The following TCF12 variants were observed in gnomAD, a reference collection of about 807,000 sequenced individuals.
TCF12 encodes DNA-binding protein HTF4.
A neutral mutation model predicts 86.0 loss-of-function variants in TCF12; 45 were observed. The ratio of observed to expected loss-of-function variants is 0.52; its 90% CI spans 0.41 to 0.67. The LOEUF (loss-of-function observed/expected upper bound fraction) is 0.67. Among genes scored for constraint, TCF12 ranks in the 30% least tolerant of loss-of-function variants. TCF12 has a pLI of 0.00. For missense variants in TCF12, 881 were observed against 859.9 expected, an observed-to-expected ratio of 1.02 and a Z score of -0.31; for synonymous variants, 330 against 299.6, an observed-to-expected ratio of 1.10 and a Z score of -1.05.
intron 3 of TCF12, among the ~76,000 whole-genome samples, chr15:56,989,534 GT>G (rs2063343777): frequency 6.6e-6 from 1 of 152,142 alleles, no homozygotes; most frequent in Non-Finnish European, 1.5e-5. Context: ...CTTATATTGT[GT>G]TTATATTTTA....
At chr15:57,056,829 G>A (rs190088165) in intron 3 of TCF12, among the ~76,000 whole-genome samples, 4 of 146,926 alleles carry the variant, frequency 2.7e-5, no homozygotes, top group African/African-American at 1.0e-4. Context: ...TTCATTAAAA[G>A]CATGTATCTT....
At chr15:57,098,155 A>T (rs562935962) in intron 5 of TCF12, among the ~76,000 whole-genome samples, 1 of 152,204 alleles carries the variant, frequency 6.6e-6, no homozygotes, top group South Asian at 2.1e-4. Flanking sequence ...ACTGCACTCC[A>T]GCCTGGATGA....
chr15:56,989,705 T>C (rs1198980164), intron 3 of TCF12, among the ~76,000 whole-genome samples: 1 of 152,174 alleles, frequency 6.6e-6, no homozygotes, highest in Non-Finnish European at 1.5e-5. Context: ...GACCTTGACT[T>C]AGTAAAGTAT....
At chr15:57,231,356 T>G in intron 9 of TCF12, 99 bp downstream of exon 9, 1 of 861,570 alleles carries the variant, frequency 1.2e-6, no homozygotes, top group Non-Finnish European at 1.8e-6. Flanking sequence ...ATTCAGGCCT[T>G]ATTTAGGCAT....
intron 3 of TCF12, among the ~76,000 whole-genome samples, chr15:57,030,752 T>G (rs2066122322): frequency 6.6e-6 from 1 of 152,212 alleles, no homozygotes; most frequent in Non-Finnish European, 1.5e-5. Context: ...AATTTCCATC[T>G]TTATCTTAAT....
intron 6 of TCF12, among the ~76,000 whole-genome samples, chr15:57,169,209 G>A (rs1345787709): frequency 3.9e-5 from 6 of 151,988 alleles, no homozygotes. Context: ...CCTGCTTCAG[G>A]GCCTTAAAAG....
intron 3 of TCF12, among the ~76,000 whole-genome samples, chr15:56,976,135 A>G (rs1312287534): frequency 1.3e-5 from 2 of 151,960 alleles, no homozygotes; most frequent in Non-Finnish European, 2.9e-5. Flanking sequence ...TTTAAAGTGG[A>G]AAATGGAAGG....
At chr15:57,118,432 C>T (rs1000881915) in intron 5 of TCF12, 5 of 152,108 alleles carry the variant, frequency 3.3e-5, no homozygotes, top group Non-Finnish European at 5.9e-5. Flanking sequence ...TTTGGATCAG[C>T]AGTATGTGCT....
At chr15:56,959,125 A>C (rs1170786533) in intron 3 of TCF12, among the ~76,000 whole-genome samples, 1 of 152,202 alleles carries the variant, frequency 6.6e-6, no homozygotes. Flanking sequence ...CTTTGTCTAC[A>C]TTCTTGAAGT....
chr15:57,277,973 A>G (rs2061484715), intron 19 of TCF12, among the ~76,000 whole-genome samples: 1 of 152,008 alleles, frequency 6.6e-6, no homozygotes. Context: ...AGATATGCAA[A>G]TCCTTTAAAA....
chr15:57,101,564 G>T (rs144539590), intron 5 of TCF12, among the ~76,000 whole-genome samples: 1 of 152,256 alleles, frequency 6.6e-6, no homozygotes, highest in East Asian at 1.9e-4. Context: ...TGTATTTCAG[G>T]ACTTTCTGAT....
At chr15:56,970,051 A>G (rs2140721192) in intron 3 of TCF12, among the ~76,000 whole-genome samples, 1 of 152,364 alleles carries the variant, frequency 6.6e-6, no homozygotes, top group South Asian at 2.1e-4. Flanking sequence ...AGATTTTTAA[A>G]AAAGGTCATG....
At chr15:56,940,579 T>C (rs1567136429) in intron 3 of TCF12, among the ~76,000 whole-genome samples, 3 of 149,690 alleles carry the variant, frequency 2.0e-5, no homozygotes, top group Non-Finnish European at 1.5e-5. Context: ...CTTCTTCTTC[T>C]CCTTCTCCTC....
chr15:57,032,433 G>A (rs1402453843), intron 3 of TCF12, among the ~76,000 whole-genome samples: 1 of 152,080 alleles, frequency 6.6e-6, no homozygotes, highest in Non-Finnish European at 1.5e-5. Context: ...TTTTTGTGTC[G>A]TTTCGGCTTT....
At chr15:56,970,180 C>T (rs2062216590) in intron 3 of TCF12, among the ~76,000 whole-genome samples, 1 of 152,150 alleles carries the variant, frequency 6.6e-6, no homozygotes, top group East Asian at 1.9e-4. Flanking sequence ...AAATGGTTAA[C>T]CATTTGGAAA....
intron 3 of TCF12, among the ~76,000 whole-genome samples, chr15:56,969,480 A>T (rs1309365448): frequency 6.6e-6 from 1 of 151,740 alleles, no homozygotes; most frequent in African/African-American, 2.4e-5. Flanking sequence ...TTTTTGAGAC[A>T]TATGATTCGG....
At chr15:57,160,240 G>A (rs995823537) in intron 5 of TCF12, among the ~76,000 whole-genome samples, 2 of 152,196 alleles carry the variant, frequency 1.3e-5, no homozygotes, top group Non-Finnish European at 2.9e-5. Flanking sequence ...GGCTGGAGAG[G>A]CCTCAGGAAA....
At chr15:57,170,292 G>A (rs1366175820) in intron 6 of TCF12, among the ~76,000 whole-genome samples, 2 of 149,780 alleles carry the variant, frequency 1.3e-5, no homozygotes, top group Admixed American at 1.3e-4. Context: ...TTTTTTTGAG[G>A]CAAGGTTTCA....
intron 3 of TCF12, among the ~76,000 whole-genome samples, chr15:56,971,814 C>G (rs1460045177): frequency 6.6e-6 from 1 of 152,050 alleles, no homozygotes; most frequent in African/African-American, 2.4e-5. Context: ...CTTGGTTAAC[C>G]AAGATCCAAA....
Sources: allele counts gnomAD v4.1 joint callset (sites outside exome capture counted in the v4.1 genomes callset), GRCh38; gene constraint gnomAD v4.1.1; transcripts MANE v1.5; gene names NCBI Gene and HGNC (gene_info 2026-07-23, HGNC 2026-07-21).